Variants in ANKS3 observed in about 807,000 individuals in gnomAD.
ANKS3 encodes the protein ankyrin repeat and SAM domain-containing protein 3.
Under a neutral mutation model 80.7 loss-of-function variants are expected in ANKS3, and 62 were observed. That is an observed-to-expected ratio of 0.77 (90% confidence interval 0.63 to 0.95). ANKS3 has a LOEUF of 0.95. Among genes scored for constraint, ANKS3 ranks in the 40% least tolerant of loss-of-function variants. ANKS3 has a pLI of 0.00. For missense variants in ANKS3, 1,150 were observed against 883.6 expected, an observed-to-expected ratio of 1.30 and a Z score of -3.82; for synonymous variants, 489 against 355.3, an observed-to-expected ratio of 1.38 and a Z score of -4.23.
intron 1 of ANKS3, among the ~76,000 whole-genome samples, chr16:4,732,724 C>A (rs889481234): frequency 6.7e-5 from 10 of 149,140 alleles, no homozygotes; most frequent in Admixed American, 6.7e-4. Flanking sequence ...ACTAAAATGT[C>A]CCATCCCGAG....
intron 6 of ANKS3, among the ~76,000 whole-genome samples, chr16:4,722,398 G>C (rs1341207264): frequency 2.0e-5 from 3 of 151,746 alleles, no homozygotes; most frequent in Admixed American, 2.0e-4. Flanking sequence ...GGCTAACACG[G>C]TGAAACCTTG....
At position 4,714,109 on chromosome 16, in the gene ANKS3, G is replaced by C; in HGVS notation, c.651C>G (p.Ile217Met). ...GCGAGTAAGTGTCCATCAAGGCCAC[G>C]ATCTTCATGTGTCCGTACTGCTTGG... ...MLAKQYGHMK[I>M]VALMDTYSPS... The change falls in exon 7 of 18, where the codon ATC becomes ATG. Residue 217 changes from isoleucine (I) to methionine (M), a missense_variant. Physicochemically the swap from Ile to Met is conservative, Grantham distance 10. Transcript: ENST00000304283. 1 of 1,614,170 alleles carries C rather than the reference G, an allele frequency of 6.2e-7. No homozygotes were observed. Among genetic ancestry groups the C allele is most frequent in the Non-Finnish European group, 8.5e-7 (1 of 1,180,036 alleles).
In ANKS3 at chr16:4,714,093, T is replaced by C. The variant is rs1035990622; in HGVS notation, c.667A>G (p.Thr223Ala). The change falls in exon 7 of 18, where the codon ACT becomes GCT. Residue 223 changes from threonine to alanine, a missense_variant. Physicochemically the swap from Thr to Ala is moderately conservative, Grantham distance 58. Transcript: ENST00000304283. ...CTCTTGGGCAGAGAGGGCGAGTAAG[T>C]GTCCATCAAGGCCACGATCTTCATG... ...GHMKIVALMD[T>A]YSPSLPKSLY... The C allele has an allele frequency of 1.2e-6, 2 of 1,614,048 alleles. No individual in the cohort carries two copies. Among genetic ancestry groups the C allele is most frequent in the African/African-American group, 2.7e-5 (2 of 74,910 alleles).
In ANKS3 at chr16:4,705,128, C is replaced by T; in HGVS notation, c.835G>A (p.Gly279Ser). The T allele has an allele frequency of 6.2e-7, 1 of 1,613,264 alleles. No individual in the cohort carries two copies. Among genetic ancestry groups the T allele is most frequent in the East Asian group, 2.2e-5 (1 of 44,874 alleles). Residue 279 changes from glycine to serine, a missense_variant, in exon 8 of 18, where the codon GGC (glycine) becomes AGC (serine). Physicochemically the swap from Gly to Ser is moderately conservative, Grantham distance 56. Transcript: ENST00000304283. The stretch of plus-strand genomic sequence containing the variant: ...GGCCGTGGGGCTCTGCCGCCCAGGC[C>T]AATGCCTGTGATCCTGGCCAGGGCT... Reference protein sequence around the residue: ...PRALARITGIGLGGRAPRPRY... With the variant: ...PRALARITGISLGGRAPRPRY...
intron 7 of ANKS3, among the ~76,000 whole-genome samples, chr16:4,710,125 G>C (rs1321389306): frequency 6.6e-6 from 1 of 152,186 alleles, no homozygotes; most frequent in African/African-American, 2.4e-5. Context: ...TCAGAGGTTG[G>C]GGGTGGGGAG....
chr16:4,728,961 A>G (rs1243517310), intron 3 of ANKS3, among the ~76,000 whole-genome samples: 1 of 152,134 alleles, frequency 6.6e-6, no homozygotes, highest in African/African-American at 2.4e-5. Context: ...GGGCTTCAGC[A>G]ATGCTTTGCT....
At chr16:4,697,939 C>T in intron 15 of ANKS3, 38 bp downstream of exon 15, 1 of 1,476,826 alleles carries the variant, frequency 6.8e-7, no homozygotes, top group Non-Finnish European at 9.0e-7. Context: ...CCCCCACCTT[C>T]CCCTCTGCCC....
At chr16:4,727,305 G>T in intron 3 of ANKS3, 128 bp from the exon 4 acceptor site, 2 of 939,440 alleles carry the variant, frequency 2.1e-6, no homozygotes, top group South Asian at 3.1e-5. Flanking sequence ...CACCCTGGAC[G>T]TTGTGGGGAT....
Position 4,734,065 on chromosome 16 carries a change from C to A in ANKS3, c.-198G>T. On this transcript the variant is annotated 5_prime_UTR_variant, in exon 1 of 18. Coordinates refer to ENST00000304283, the MANE Select transcript of ANKS3 (RefSeq NM_133450.4). ...GGGGCTCGGTCCTCCAGTCACGCGG[C>A]GAGCAAGTGCAGCGCGGGACGCCCG... 1.0e-6 allele frequency: 1 copy of A among 975,936 alleles called. No individual in the cohort carries two copies. The highest frequency in any genetic ancestry group is 1.2e-6 in the Non-Finnish European group (1 of 821,236). The allele number at this position is 975,936 out of a possible 1,614,324, so 60.5% of individuals were successfully genotyped here.
intron 11 of ANKS3, chr16:4,699,410 G>A (rs1352647701): frequency 1.8e-6 from 1 of 565,616 alleles, no homozygotes; most frequent in Non-Finnish European, 3.2e-6. Context: ...TTCATCACCA[G>A]AAACTGGCCT....
chr16:4,701,167 G>A lies in ANKS3; in HGVS notation c.1120-33C>T, dbSNP rs756913301. 5.1e-5 allele frequency: 82 copies of A among 1,612,588 alleles called. No individual in the cohort carries two copies. The Admixed American group carries it at 8.7e-4, about 17-fold the overall frequency. ...GAGAGGCGTGCATCTGAAAGAGTGC[G>A]CGGGCTAACTTGAGAGCCTTGGTGA... On this transcript the variant is annotated intron_variant, in intron 10 of 17. Coordinates refer to ENST00000304283, the MANE Select transcript of ANKS3 (RefSeq NM_133450.4).
chr16:4,698,393 G>A (rs761672053), intron 14 of ANKS3, 34 bp downstream of exon 14: 10 of 1,452,906 alleles, frequency 6.9e-6, no homozygotes, highest in Non-Finnish European at 9.0e-6. Flanking sequence ...CTGACCACTG[G>A]AGACCCAGCC....
At chr16:4,709,134 C>T (rs1351404346) in intron 7 of ANKS3, among the ~76,000 whole-genome samples, 1 of 151,650 alleles carries the variant, frequency 6.6e-6, no homozygotes, top group Non-Finnish European at 1.5e-5. Context: ...TTGCCGGGTG[C>T]AGCGGTTCAT....
In ANKS3 at chr16:4,701,307, G is replaced by A. The variant is rs142863773; in HGVS notation, c.1119+127C>T. ...AGAAGCCAGACCCTGGACACAGCAC[G>A]TCCCAGTGCAGCACACACGTGCAGC... is the stretch of plus-strand genomic sequence containing the variant. On this transcript the variant is annotated intron_variant, in intron 10 of 17. Transcript: ENST00000304283. The A allele has an allele frequency of 1.7e-4, 227 of 1,326,500 alleles. No individual in the cohort carries two copies. In the Middle Eastern group the frequency reaches 2.1e-3, roughly 13 times the overall value. The allele number at this position is 1,326,500 out of a possible 1,614,324, so 82.2% of individuals were successfully genotyped here.
At position 4,726,982 on chromosome 16, in the gene ANKS3, G is replaced by C. The variant is rs1374611348; in HGVS notation, c.366C>G (p.Leu122=). Residue 122 remains leucine (L), a synonymous_variant, in exon 4 of 18, where the codon CTC becomes CTG. Transcript: ENST00000304283. ...CGNESIAYFL[L]QQGAELEMKD... ...CCTGAGTTCCCTCGTAGCTCACCTG[G>C]AGAAGAAAGTAGGCGATGCTCTCGT... is the stretch of plus-strand genomic sequence containing the variant. 3 of 1,614,062 alleles carry C rather than the reference G, an allele frequency of 1.9e-6. No individual in the cohort carries two copies. Among genetic ancestry groups the C allele is most frequent in the Admixed American group, 1.7e-5 (1 of 60,026 alleles).
chr16:4,720,157 A>G (rs894162562), intron 6 of ANKS3, among the ~76,000 whole-genome samples: 2 of 93,502 alleles, frequency 2.1e-5, no homozygotes, highest in Non-Finnish European at 4.3e-5. Context: ...GCAAGACCCC[A>G]CCCCAAAAAA....
rs776169640 is a variant in ANKS3 at position 4,698,882 on chromosome 16, C to T, written c.1469G>A (p.Arg490His). 8 of 1,600,390 alleles carry T rather than the reference C, an allele frequency of 5.0e-6. No individual in the cohort carries two copies. The highest frequency in any genetic ancestry group is 4.5e-5 in the East Asian group (2 of 44,778). The change falls in exon 13 of 18, where the codon CGC becomes CAC. Residue 490 changes from arginine (R) to histidine (H), a missense_variant. Arg to His is a conservative substitution (Grantham distance 29). Transcript: ENST00000304283. ...SAIARWHSSA[R>H]PPGDALELAY... ...CAGCTCCAGGGCATCCCCGGGTGGG[C>T]GGGCACTGCTGTGCCAGCGGGCAAT...
Position 4,727,193 on chromosome 16 carries a change from A to G in ANKS3, c.171-16T>C. 2.5e-6 allele frequency: 4 copies of G among 1,613,260 alleles called. No individual in the cohort carries two copies. Among genetic ancestry groups the G allele is most frequent in the African/African-American group, 1.3e-5 (1 of 75,052 alleles). Reference sequence around the variant, plus strand: ...TAACTCTCTCCTAAACAAACGCAAGATATGCTAGACATGGCCAGCCGCCTC... The same window carrying G: ...TAACTCTCTCCTAAACAAACGCAAGGTATGCTAGACATGGCCAGCCGCCTC... On this transcript the variant is annotated splice_polypyrimidine_tract_variant and intron_variant, in intron 3 of 17. Transcript: ENST00000304283.
chr16:4,721,912 A>G (rs972625147), intron 6 of ANKS3, among the ~76,000 whole-genome samples: 2 of 151,312 alleles, frequency 1.3e-5, no homozygotes, highest in Admixed American at 1.3e-4. Context: ...CTGGGATTAC[A>G]GGAGCGAGAC....
Sources: gnomAD v4.1 joint callset for allele counts (sites outside exome capture counted in the v4.1 genomes callset) on GRCh38, gnomAD v4.1.1 for gene constraint, MANE v1.5 for transcripts, NCBI Gene and HGNC (gene_info 2026-07-23, HGNC 2026-07-21) for gene names.